HIVEP1: variants seen among roughly 807,000 people sequenced by gnomAD.
The protein encoded by HIVEP1 is HIVEP zinc finger 1.
A neutral mutation model predicts 180.0 loss-of-function variants in HIVEP1; 36 were observed. The ratio of observed to expected loss-of-function variants is 0.20; its 90% CI spans 0.15 to 0.26. The LOEUF is 0.26. Among genes scored for constraint, HIVEP1 ranks in the 10% least tolerant of loss-of-function variants. The probability of loss-of-function intolerance (pLI) is 1.00; values close to 1 mark genes in which losing one functional copy is unlikely to be tolerated. For synonymous variants in HIVEP1, 1,239 were observed against 1,239.0 expected (o/e 1.00, Z 0.00); for missense variants, 3,143 against 3,268.7 (o/e 0.96, Z 0.94).
chr6:12,012,251 T>TCCC (rs567273621), upstream of HIVEP1: 17 of 116,376 alleles, frequency 1.5e-4, no homozygotes, highest in African/African-American at 5.4e-4. Flanking sequence ...CGCCCCGCGC[T>TCCC]CCCCCCCCCG....
chr6:12,066,314 A>G (rs945897627), intron 2 of HIVEP1, among the ~76,000 whole-genome samples: 2 of 152,200 alleles, frequency 1.3e-5, no homozygotes, highest in Admixed American at 1.3e-4. Flanking sequence ...TAATTGCATG[A>G]TGACCATCCC....
At chr6:12,189,049 A>G in the HIVEP1 span, among the ~76,000 whole-genome samples, 2 of 152,136 alleles carry the variant, frequency 1.3e-5, no homozygotes, top group Admixed American at 6.5e-5. Flanking sequence ...CTTTGTGTAT[A>G]ATAATATTTG....
chr6:12,043,533 A>AT (rs1259018189), intron 2 of HIVEP1, among the ~76,000 whole-genome samples: 2 of 151,652 alleles, frequency 1.3e-5, no homozygotes, highest in Non-Finnish European at 2.9e-5. Flanking sequence ...CAGCCAGCTA[A>AT]TTTTTGTATT....
chr6:12,164,943 TCAGA>T lies in HIVEP1; in HGVS notation c.*487_*490del. 3.0e-6 allele frequency: 1 copy of T among 328,382 alleles called. No homozygotes were observed. The allele number at this position is 328,382 out of a possible 1,614,324, so 20.3% of individuals were successfully genotyped here. ...TTGTGTAAGACAGTAACTTTACACT[TCAGA>T]CAGATTTTCTGTGTTATGAAATGTT... On this transcript the variant is annotated 3_prime_UTR_variant, in exon 9 of 9. Transcript: ENST00000379388.
the HIVEP1 span, among the ~76,000 whole-genome samples, chr6:12,205,902 C>T: frequency 6.6e-6 from 1 of 152,108 alleles, no homozygotes. Flanking sequence ...TGCCTCTTTC[C>T]TCTGCAATCT....
chr6:12,096,044 A>ATT (rs151194458), intron 3 of HIVEP1, among the ~76,000 whole-genome samples: 2 of 151,450 alleles, frequency 1.3e-5, no homozygotes, highest in African/African-American at 4.8e-5. Context: ...TTGCATTATG[A>ATT]TTTTTTTTTA....
chr6:12,113,065 A>G (rs1186690674), intron 3 of HIVEP1, among the ~76,000 whole-genome samples: 2 of 151,880 alleles, frequency 1.3e-5, no homozygotes, highest in Non-Finnish European at 2.9e-5. Flanking sequence ...CGCTTGGGGC[A>G]CTTCTCTGGC....
upstream of HIVEP1, among the ~76,000 whole-genome samples, chr6:12,010,620 T>G (rs115416426): frequency 0.011 from 1,590 of 150,910 alleles, 17 homozygotes; most frequent in African/African-American, 0.037. Context: ...TTTTTTTTTT[T>G]GCATCAATTT....
At chr6:12,065,766 T>A (rs1771534628) in intron 2 of HIVEP1, among the ~76,000 whole-genome samples, 1 of 152,130 alleles carries the variant, frequency 6.6e-6, no homozygotes, top group Non-Finnish European at 1.5e-5. Flanking sequence ...AGTCCAGTTT[T>A]ATTTTAGTGT....
chr6:12,077,665 C>T (rs1772458222), intron 2 of HIVEP1, among the ~76,000 whole-genome samples: 1 of 152,088 alleles, frequency 6.6e-6, no homozygotes, highest in African/African-American at 2.4e-5. Context: ...TTGGTTTGGT[C>T]GTTGGGTCTA....
chr6:12,159,587 A>C (rs752718729), intron 7 of HIVEP1, among the ~76,000 whole-genome samples: 2 of 152,102 alleles, frequency 1.3e-5, no homozygotes, highest in Non-Finnish European at 2.9e-5. Context: ...GAGTTGCCAA[A>C]CCTATAAAAA....
rs753793672 is a variant in HIVEP1, at chr6:12,123,283, A to C, written c.3488A>C (p.Gln1163Pro). 1.9e-5 allele frequency: 31 copies of C among 1,614,098 alleles called. No individual in the cohort carries two copies. Among genetic ancestry groups the C allele is most frequent in the Non-Finnish European group, 2.5e-5 (30 of 1,180,042 alleles). ...GAAAGAGCCTCCCCAGTTTCTTTCC[A>C]GGAGCTGAATAGAACGGGGAAGTCC... is the stretch of plus-strand genomic sequence containing the variant. ...PFERASPVSF[Q>P]ELNRTGKSGS... Residue 1163 changes from glutamine (Q) to proline (P), a missense_variant, in exon 4 of 9, where the codon CAG (glutamine) becomes CCG (proline). Gln to Pro is a moderately conservative substitution (Grantham distance 76, BLOSUM62 -1). Coordinates refer to ENST00000379388, the MANE Select transcript of HIVEP1 (RefSeq NM_002114.4).
intron 2 of HIVEP1, among the ~76,000 whole-genome samples, chr6:12,051,477 C>A (rs1770535281): frequency 6.6e-6 from 1 of 152,008 alleles, no homozygotes; most frequent in East Asian, 1.9e-4. Context: ...CAGTAAGTAA[C>A]CATTTAAGAA....
intron 2 of HIVEP1, among the ~76,000 whole-genome samples, chr6:12,068,371 C>T (rs9394504): frequency 0.35 from 52,785 of 151,964 alleles, 9,272 homozygotes; most frequent in Non-Finnish European, 0.35. Context: ...ATTACAGGCA[C>T]GAGCCACCAT....
downstream of HIVEP1, among the ~76,000 whole-genome samples, chr6:12,168,251 G>T (rs28716111): frequency 0.023 from 1,155 of 50,966 alleles, 30 homozygotes; most frequent in African/African-American, 0.07. Flanking sequence ...TATATATACA[G>T]ATATACGTGT....
chr6:12,172,273 G>C, the HIVEP1 span, among the ~76,000 whole-genome samples: 8 of 152,032 alleles, frequency 5.3e-5, no homozygotes, highest in East Asian at 1.5e-3. Context: ...ATTGTATTAA[G>C]GGTTTATTTC....
At chr6:12,167,862 TAATA>T (rs764048188), downstream of HIVEP1, among the ~76,000 whole-genome samples, 24 of 144,272 alleles carry the variant, frequency 1.7e-4, no homozygotes, top group East Asian at 1.2e-3. Context: ...TGTGCGTATA[TAATA>T]TATACACATG....
At chr6:12,057,838 T>A (rs1770974946) in intron 2 of HIVEP1, among the ~76,000 whole-genome samples, 1 of 152,216 alleles carries the variant, frequency 6.6e-6, no homozygotes, top group Admixed American at 6.5e-5. Flanking sequence ...TCCTTTCTAA[T>A]AGTAATACAG....
At chr6:12,015,462 C>T in intron 1 of HIVEP1, 64 bp from the exon 2 acceptor site, 1 of 603,050 alleles carries the variant, frequency 1.7e-6, no homozygotes, top group South Asian at 2.1e-5. Flanking sequence ...TAGGCAGTAA[C>T]TTTTAAAGTA....
Sources: gnomAD v4.1 joint callset for allele counts (sites outside exome capture counted in the v4.1 genomes callset) on GRCh38, gnomAD v4.1.1 for gene constraint, MANE v1.5 for transcripts, NCBI Gene and HGNC (gene_info 2026-07-23, HGNC 2026-07-21) for gene names.